LRBA: variants seen among roughly 807,000 people sequenced by gnomAD.
LRBA encodes lipopolysaccharide-responsive and beige-like anchor protein.
LRBA carries 176 observed loss-of-function variants against 330.0 expected under a neutral mutation model. The observed-to-expected ratio is 0.53, with a 90% CI of 0.47 to 0.60. The LOEUF is 0.60. Ranked by LOEUF, LRBA falls within the 20% of genes least tolerant of loss-of-function variation. The pLI, the probability that LRBA is intolerant of heterozygous loss-of-function variation, is 0.00. For synonymous variants in LRBA, 1,230 were observed against 1,193.0 expected, an observed-to-expected ratio of 1.03 and a Z score of -0.64; for missense variants, 3,259 against 3,444.8, an observed-to-expected ratio of 0.95 and a Z score of 1.35.
chr4:150,912,940 T>C (rs1043387384), intron 9 of LRBA, among the ~76,000 whole-genome samples: 1 of 152,216 alleles, frequency 6.6e-6, no homozygotes, highest in Non-Finnish European at 1.5e-5. Context: ...CTAATTTTCC[T>C]TGTGATTTAT....
intron 36 of LRBA, among the ~76,000 whole-genome samples, chr4:150,713,902 A>C (rs1306751072): frequency 6.6e-6 from 1 of 152,226 alleles, no homozygotes; most frequent in Non-Finnish European, 1.5e-5. Flanking sequence ...GTAAATATGA[A>C]ATAAACTTTG....
chr4:150,998,655 G>A (rs1014579669), intron 2 of LRBA, among the ~76,000 whole-genome samples: 1 of 152,012 alleles, frequency 6.6e-6, no homozygotes, highest in African/African-American at 2.4e-5. Flanking sequence ...GCACCCGGCA[G>A]GAAAATTCAC....
At chr4:150,384,982 A>G (rs1742846390) in intron 47 of LRBA, among the ~76,000 whole-genome samples, 1 of 152,212 alleles carries the variant, frequency 6.6e-6, no homozygotes. Flanking sequence ...TTTATGTCCT[A>G]AACTATTGGT....
chr4:150,359,776 C>G (rs1421301687), intron 47 of LRBA, among the ~76,000 whole-genome samples: 1 of 151,988 alleles, frequency 6.6e-6, no homozygotes, highest in Admixed American at 6.6e-5. Flanking sequence ...GTTAGGAGTT[C>G]AAGACCAGCC....
intron 47 of LRBA, among the ~76,000 whole-genome samples, chr4:150,396,209 T>C (rs1744707681): frequency 6.6e-6 from 1 of 152,148 alleles, no homozygotes; most frequent in Admixed American, 6.5e-5. Flanking sequence ...ACTCCTTGAG[T>C]TGAGACACCC....
intron 17 of LRBA, among the ~76,000 whole-genome samples, chr4:150,876,790 A>C (rs1016788055): frequency 1.3e-5 from 2 of 152,238 alleles, no homozygotes; most frequent in East Asian, 3.8e-4. Context: ...CTTATAAAAC[A>C]ACCACACAAA....
chr4:150,514,674 A>G (rs1295325181), intron 40 of LRBA, among the ~76,000 whole-genome samples: 1 of 152,192 alleles, frequency 6.6e-6, no homozygotes, highest in African/African-American at 2.4e-5. Context: ...AAAGAAAGGC[A>G]TACGAGGCAG....
chr4:150,808,359 G>T lies in LRBA; in HGVS notation c.5345C>A (p.Thr1782Lys), dbSNP rs145849065. ...SSNAKLPSVPTVDSVSQDPVS... is the reference protein window; with the variant it reads ...SSNAKLPSVPKVDSVSQDPVS... ...CGGATCTTGTGAAACTGAATCAACT[G>T]TTGGAACTGAGGGCAATTTTGCATT... The change falls in exon 32 of 57, where the codon ACA (threonine) becomes AAA (lysine). Residue 1782 changes from threonine to lysine, a missense_variant. Physicochemically the swap from Thr to Lys is moderately conservative, Grantham distance 78. Transcript: ENST00000651943. 1.9e-6 allele frequency: 3 copies of T among 1,612,568 alleles called. No individual in the cohort carries two copies. Among genetic ancestry groups the T allele is most frequent in the South Asian group, 1.1e-5 (1 of 90,896 alleles).
At chr4:150,560,946 T>C (rs906315942) in intron 40 of LRBA, among the ~76,000 whole-genome samples, 3 of 151,810 alleles carry the variant, frequency 2.0e-5, no homozygotes, top group African/African-American at 7.3e-5. Flanking sequence ...GATCACACCA[T>C]TGCACTCCAG....
At chr4:150,902,602 A>C (rs1270321381) in intron 13 of LRBA, among the ~76,000 whole-genome samples, 2 of 152,246 alleles carry the variant, frequency 1.3e-5, no homozygotes, top group African/African-American at 4.8e-5. Flanking sequence ...AAACCTCTAA[A>C]GGTTATTTAA....
At chr4:150,749,954 C>T (rs1733315204) in intron 35 of LRBA, among the ~76,000 whole-genome samples, 1 of 152,130 alleles carries the variant, frequency 6.6e-6, no homozygotes, top group East Asian at 1.9e-4. Flanking sequence ...TTGTTCCAGC[C>T]ACTCTGGCCT....
At chr4:150,425,038 T>C (rs562453396) in intron 46 of LRBA, among the ~76,000 whole-genome samples, 205 of 152,316 alleles carry the variant, frequency 1.3e-3, no homozygotes, top group Admixed American at 2.2e-3. Context: ...TGGATGACAA[T>C]GGCATTTAAG....
At chr4:150,786,112 G>T (rs1257907153) in intron 34 of LRBA, among the ~76,000 whole-genome samples, 1 of 152,200 alleles carries the variant, frequency 6.6e-6, no homozygotes, top group African/African-American at 2.4e-5. Flanking sequence ...CTGTTAAGAT[G>T]TAGGCATAGT....
chr4:150,302,483 T>C (rs1425081544), intron 53 of LRBA, 142 bp downstream of exon 53: 2 of 448,364 alleles, frequency 4.5e-6, no homozygotes, highest in Non-Finnish European at 7.6e-6. Flanking sequence ...ATGAGGCTAT[T>C]TGGATCATTC....
At chr4:150,445,976 G>C (rs781505965) in intron 44 of LRBA, among the ~76,000 whole-genome samples, 11 of 152,004 alleles carry the variant, frequency 7.2e-5, no homozygotes, top group Non-Finnish European at 1.2e-4. Flanking sequence ...ACAAAAATTA[G>C]ACATAAAGTA....
At chr4:150,377,760 A>T (rs566101747) in intron 47 of LRBA, among the ~76,000 whole-genome samples, 22 of 152,184 alleles carry the variant, frequency 1.4e-4, no homozygotes, top group Middle Eastern at 6.8e-3. Flanking sequence ...TTTTTATACC[A>T]ATTTATTTAT....
chr4:150,873,520 G>A (rs1753668969), intron 17 of LRBA, among the ~76,000 whole-genome samples: 2 of 151,908 alleles, frequency 1.3e-5, no homozygotes, highest in Non-Finnish European at 2.9e-5. Flanking sequence ...AACCTGGGAG[G>A]TGGAGGTTGC....
intron 40 of LRBA, among the ~76,000 whole-genome samples, chr4:150,571,658 T>TTG (rs1561369394): frequency 2.1e-5 from 3 of 143,822 alleles, no homozygotes; most frequent in Non-Finnish European, 4.5e-5. Context: ...TGTTTTTTTT[T>TTG]TTTTTTTTTT....
chr4:150,267,947 C>G (rs779023076), intron 56 of LRBA, among the ~76,000 whole-genome samples: 5 of 151,746 alleles, frequency 3.3e-5, no homozygotes, highest in Non-Finnish European at 5.9e-5. Flanking sequence ...GTAATCCCAG[C>G]TACTTGGAAG....
Sources: allele counts gnomAD v4.1 joint callset (sites outside exome capture counted in the v4.1 genomes callset), GRCh38; gene constraint gnomAD v4.1.1; transcripts MANE v1.5; gene names NCBI Gene and HGNC (gene_info 2026-07-23, HGNC 2026-07-21).